NPEPL1: variants seen among roughly 807,000 people sequenced by gnomAD.
NPEPL1 encodes probable aminopeptidase NPEPL1.
A neutral mutation model predicts 52.4 loss-of-function variants in NPEPL1; 45 were observed. That is an observed-to-expected ratio of 0.86 (90% CI 0.68 to 1.10). The LOEUF (loss-of-function observed/expected upper bound fraction) is 1.10, where lower values mean the gene tolerates loss of function less well. Among genes scored for constraint, NPEPL1 ranks in the 50% least tolerant of loss-of-function variants. The pLI is 0.00. For synonymous variants in NPEPL1, 360 were observed against 314.7 expected, an observed-to-expected ratio of 1.14 and a Z score of -1.52; for missense variants, 696 against 710.9, an observed-to-expected ratio of 0.98 and a Z score of 0.24.
intron 6 of NPEPL1, among the ~76,000 whole-genome samples, chr20:58,704,702 T>C (rs1446648247): frequency 6.6e-6 from 1 of 152,218 alleles, no homozygotes; most frequent in East Asian, 1.9e-4. Context: ...AGTTGAACTG[T>C]ATCAAGAAAA....
chr20:58,702,935 C>G lies in NPEPL1; in HGVS notation c.822+1777C>G, dbSNP rs148760892. Reference sequence around the variant, plus strand: ...TTGTGGCTTTCAGATGTCTGCAGAACAAAAGCATTTTGGACACAGTAACTC... The same window carrying G: ...TTGTGGCTTTCAGATGTCTGCAGAAGAAAAGCATTTTGGACACAGTAACTC... On this transcript the variant is annotated intron_variant, in intron 6 of 11. Transcript: ENST00000356091. 2.3e-3 allele frequency among the ~76,000 whole-genome samples: 353 copies of G among 152,332 alleles called. 1 individual carries two copies. The highest frequency in any genetic ancestry group is 3.6e-3 in the Non-Finnish European group (248 of 68,030).
Position 58,714,010 on chromosome 20 carries a change from C to A in NPEPL1, c.1219C>A (p.Leu407Met). ...CVKAGRKCGDLVHPLVYCPEL... is the reference protein window; with the variant it reads ...CVKAGRKCGDMVHPLVYCPEL... ...GAAGGCGGGCAGGAAGTGTGGGGAC[C>A]TGGTGCACCCGCTGGTCTACTGCCC... The change falls in exon 10 of 12, where the codon CTG becomes ATG. Residue 407 changes from leucine to methionine, a missense_variant. Leu to Met is a conservative substitution (Grantham distance 15). Transcript: ENST00000356091. 1 of 1,527,330 alleles carries A rather than the reference C, an allele frequency of 6.5e-7. No individual in the cohort carries two copies. The highest frequency in any genetic ancestry group is 8.8e-7 in the Non-Finnish European group (1 of 1,140,384). 94.6% of individuals were successfully genotyped at this position (1,527,330 alleles called of 1,614,324 possible). A position where few individuals can be genotyped will look rare whatever the true frequency, so the allele number is the denominator to read the frequency against.
chr20:58,713,824 T>C lies in NPEPL1; in HGVS notation c.1126-93T>C. On this transcript the variant is annotated intron_variant, in intron 9 of 11. Transcript: ENST00000356091. This position sits in a 1 kb window ranked among gnomAD's most constrained non-coding sequence, Gnocchi z 4.6. Reference sequence around the variant, plus strand: ...TCAACCGTCTCTTTTCTGGCTCCCTTATTTCTCTGTCTGCCTCCCGGTCCC... The same window carrying C: ...TCAACCGTCTCTTTTCTGGCTCCCTCATTTCTCTGTCTGCCTCCCGGTCCC... 7.6e-7 allele frequency: 1 copy of C among 1,324,458 alleles called. No homozygotes were observed. Among genetic ancestry groups the C allele is most frequent in the South Asian group, 1.7e-5 (1 of 57,896 alleles). The allele number at this position is 1,324,458 out of a possible 1,614,324, so 82.0% of individuals were successfully genotyped here. A position where few individuals can be genotyped will look rare whatever the true frequency, so the allele number is the denominator to read the frequency against.
Position 58,693,743 on chromosome 20 carries a change from C to G in NPEPL1, c.157C>G (p.Gln53Glu). 1 of 1,602,750 alleles carries G rather than the reference C, an allele frequency of 6.2e-7. No homozygotes were observed. The highest frequency in any genetic ancestry group is 8.5e-7 in the Non-Finnish European group (1 of 1,171,474). ...LQPRVTEELW[Q>E]AALSTLNPNP... is the part of the protein sequence containing the mutation. Reference sequence around the variant, plus strand: ...TCTCTCCCTTCTGATCTAGCTCTGGCAGGCTGCCCTGAGCACGCTCAACCC... The same window carrying G: ...TCTCTCCCTTCTGATCTAGCTCTGGGAGGCTGCCCTGAGCACGCTCAACCC... Residue 53 changes from glutamine to glutamate, a missense_variant, in exon 2 of 12, where the codon CAG becomes GAG. Physicochemically the swap from Gln to Glu is conservative, Grantham distance 29. Transcript: ENST00000356091.
intron 6 of NPEPL1, chr20:58,705,608 A>G: frequency 2.2e-6 from 1 of 447,936 alleles, no homozygotes; most frequent in Non-Finnish European, 4.5e-6. Context: ...AGACCGTCTT[A>G]AATCACTGCG....
chr20:58,689,981 T>A (rs962992559), upstream of NPEPL1, among the ~76,000 whole-genome samples: 1 of 152,204 alleles, frequency 6.6e-6, no homozygotes, highest in Admixed American at 6.5e-5. Context: ...CTTTGAAGTA[T>A]CGGATATAAT....
At chr20:58,699,710 A>C (rs6128408) in intron 5 of NPEPL1, among the ~76,000 whole-genome samples, 83,206 of 151,770 alleles carry the variant, frequency 0.55, 23,075 homozygotes, top group Non-Finnish European at 0.58. Flanking sequence ...CATCTCAACC[A>C]ATGCCCCCTC....
upstream of NPEPL1, chr20:58,691,364 C>CTTTTTTTTTT (rs59929508): frequency 4.5e-5 from 8 of 177,308 alleles, 1 homozygote; most frequent in Non-Finnish European, 6.7e-5. Context: ...CATTCAACAG[C>CTTTTTTTTTT]TTTTTTTTTT....
chr20:58,712,715 T>TCC (rs764162572), intron 8 of NPEPL1, 136 bp downstream of exon 8: 1 of 725,690 alleles, frequency 1.4e-6, no homozygotes. Context: ...GCTCCTTGCT[T>TCC]CCCGGAGGGC....
At chr20:58,707,657 G>A (rs6026462) in intron 7 of NPEPL1, among the ~76,000 whole-genome samples, 2 of 150,848 alleles carry the variant, frequency 1.3e-5, no homozygotes, top group Non-Finnish European at 3.0e-5. Flanking sequence ...CCTCTCTTGC[G>A]TGGGCAGGTG....
chr20:58,702,063 G>A (rs1265800700), intron 6 of NPEPL1, among the ~76,000 whole-genome samples: 2 of 152,258 alleles, frequency 1.3e-5, no homozygotes, highest in Non-Finnish European at 2.9e-5. Flanking sequence ...CATACCTCAG[G>A]AGGTCTGGAA....
At chr20:58,703,243 A>G (rs945257633) in intron 6 of NPEPL1, among the ~76,000 whole-genome samples, 2 of 152,238 alleles carry the variant, frequency 1.3e-5, no homozygotes, top group African/African-American at 4.8e-5. Context: ...GCGAATTTGA[A>G]GCTTTTGTTT....
chr20:58,689,550 G>A (rs777453708), upstream of NPEPL1, among the ~76,000 whole-genome samples: 1 of 152,112 alleles, frequency 6.6e-6, no homozygotes, highest in East Asian at 1.9e-4. Flanking sequence ...CCTGAGCCAC[G>A]GGGCCTGGTT....
At position 58,701,072 on chromosome 20, in the gene NPEPL1, C is replaced by G. The variant is rs1290735246; in HGVS notation, c.736C>G (p.His246Asp). 7.5e-6 allele frequency: 12 copies of G among 1,596,578 alleles called. No homozygotes were observed. Among genetic ancestry groups the G allele is most frequent in the Non-Finnish European group, 1.0e-5 (12 of 1,172,598 alleles). The change falls in exon 6 of 12, where the codon CAC (histidine) becomes GAC (aspartate). Residue 246 changes from histidine (H) to aspartate (D), a missense_variant. His to Asp is a moderately conservative substitution (Grantham distance 81). Transcript: ENST00000356091. Reference protein sequence around the residue: ...LHPPALAVLSHTPDGATQTIA... With the variant: ...LHPPALAVLSDTPDGATQTIA... ...TCCCCCAGCCCTGGCCGTCCTCAGC[C>G]ACACCCCAGATGGAGCCACGCAGAC...
intron 1 of NPEPL1, 132 bp downstream of exon 1, chr20:58,693,182 C>T (rs1167639447): frequency 1.7e-6 from 1 of 603,134 alleles, no homozygotes; most frequent in African/African-American, 2.0e-5. Context: ...GGCCGCCTCC[C>T]TGAAGGGCTC....
chr20:58,707,727 G>A (rs533741520), intron 7 of NPEPL1, among the ~76,000 whole-genome samples: 1 of 151,724 alleles, frequency 6.6e-6, no homozygotes, highest in South Asian at 2.1e-4. Flanking sequence ...GGGGGGGTGG[G>A]GGGTGACCTT....
At chr20:58,691,656 A>G (rs971292030), upstream of NPEPL1, 1 of 724,720 alleles carries the variant, frequency 1.4e-6, no homozygotes, top group Non-Finnish European at 2.3e-6. Flanking sequence ...ACACCACGCC[A>G]GGGAGTTGAC....
chr20:58,692,881 G>A lies in NPEPL1; in HGVS notation c.-20G>A. On this transcript the variant is annotated 5_prime_UTR_variant, in exon 1 of 12. Coordinates refer to ENST00000356091, the MANE Select transcript of NPEPL1 (RefSeq NM_024663.4). This position sits in a 1 kb window ranked among gnomAD's most constrained non-coding sequence, Gnocchi z 5.7. ...GGCCGGGCCGGGCCGGGCAGGGCCG[G>A]GGCGTGGGCCGGCAGGAAGATGGCG... 9.7e-7 allele frequency: 1 copy of A among 1,031,246 alleles called. No individual in the cohort carries two copies. Among genetic ancestry groups the A allele is most frequent in the South Asian group, 3.7e-5 (1 of 26,704 alleles). 63.9% of individuals were successfully genotyped at this position (1,031,246 alleles called of 1,614,324 possible).
intron 6 of NPEPL1, among the ~76,000 whole-genome samples, chr20:58,704,971 C>T (rs1441614812): frequency 6.6e-6 from 1 of 152,144 alleles, no homozygotes; most frequent in Non-Finnish European, 1.5e-5. Flanking sequence ...TGTTGGTTCA[C>T]AGAGTTCTGC....
Sources: allele counts gnomAD v4.1 joint callset (sites outside exome capture counted in the v4.1 genomes callset), GRCh38; gene constraint gnomAD v4.1.1; non-coding constraint Gnocchi (gnomAD v3.1); transcripts MANE v1.5; gene names NCBI Gene and HGNC (gene_info 2026-07-23, HGNC 2026-07-21).